The following LGR4 variants were observed in gnomAD, a reference collection of about 807,000 sequenced individuals.
LGR4 encodes the protein leucine rich repeat containing G protein-coupled receptor 4.
Under a neutral mutation model 84.8 loss-of-function variants are expected in LGR4, and 44 were observed. The observed-to-expected ratio is 0.52, with a 90% CI of 0.41 to 0.67. The LOEUF is 0.67. Ranked by LOEUF, LGR4 falls within the 30% of genes least tolerant of loss-of-function variation. LGR4 has a pLI of 0.00. For missense variants in LGR4, 1,032 were observed against 1,131.4 expected (o/e 0.91, Z 1.26); for synonymous variants, 429 against 434.3 (o/e 0.99, Z 0.15).
intron 1 of LGR4, among the ~76,000 whole-genome samples, chr11:27,428,179 C>T (rs189446652): frequency 3.3e-5 from 5 of 151,712 alleles, no homozygotes; most frequent in Admixed American, 3.3e-4. Context: ...ATGCAGTCAC[C>T]CAGGCAGGAG....
At position 27,383,477 on chromosome 11, in the gene LGR4, C is replaced by T. The variant is rs17309797; in HGVS notation, c.689+859G>A. 6.7e-3 allele frequency among the ~76,000 whole-genome samples: 1,022 copies of T among 152,286 alleles called. 5 individuals are homozygous for T. The highest frequency in any genetic ancestry group is 0.012 in the Non-Finnish European group (787 of 67,996). ...AAAGGAGATCTGAGTTTGGAACTAT[C>T]CTCTACAAGATTTTCAACTTTCATA... On this transcript the variant is annotated intron_variant, in intron 6 of 17. Transcript: ENST00000379214.
Position 27,368,892 on chromosome 11 carries a change from A to C in LGR4, c.1831T>G (p.Trp611Gly). The part of the protein sequence containing the change: ...SWGRFAEFGI[W>G]WETGSGCKVA... ...TTGCAGCCACTGCCAGTTTCCCACC[A>C]AATGCCAAATTCAGCGAATCTGCCC... Residue 611 changes from tryptophan to glycine, a missense_variant, in exon 18 of 18, where the codon TGG (tryptophan) becomes GGG (glycine). Physicochemically the swap from Trp to Gly is radical, Grantham distance 184. Transcript: ENST00000379214. 6.2e-7 allele frequency: 1 copy of C among 1,614,212 alleles called. No individual in the cohort carries two copies. Among genetic ancestry groups the C allele is most frequent in the East Asian group, 2.2e-5 (1 of 44,890 alleles).
Position 27,377,214 on chromosome 11 carries a change from A to G in LGR4, c.1053T>C (p.Ser351=). 1 of 1,547,252 alleles carries G rather than the reference A, an allele frequency of 6.5e-7. No homozygotes were observed. Among genetic ancestry groups the G allele is most frequent in the East Asian group, 2.3e-5 (1 of 44,116 alleles). The change falls in exon 12 of 18, where the codon TCT becomes TCC. Residue 351 remains serine (S), a synonymous_variant. Coordinates refer to ENST00000379214, the MANE Select transcript of LGR4 (RefSeq NM_018490.5). The part of the protein sequence containing the change: ...EQKMLRTLDL[S]YNNIRDLPSF... ...TTGGAAGGTCTCTTATATTATTGTA[A>G]GACAAGTCCCTTAAAACAATGGAAA...
intron 1 of LGR4, among the ~76,000 whole-genome samples, chr11:27,465,235 T>C (rs1429600888): frequency 6.6e-6 from 1 of 152,196 alleles, no homozygotes; most frequent in Non-Finnish European, 1.5e-5. Context: ...GTCTTACCCA[T>C]AAGATCTTTC....
At chr11:27,373,914 C>CG in intron 14 of LGR4, 61 bp downstream of exon 14, 1 of 1,196,688 alleles carries the variant, frequency 8.4e-7, no homozygotes, top group South Asian at 1.2e-5. Context: ...AATGTTAAAA[C>CG]AGATGTTTCT....
chr11:27,425,047 A>G (rs1402311512), intron 1 of LGR4, among the ~76,000 whole-genome samples: 1 of 152,080 alleles, frequency 6.6e-6, no homozygotes, highest in Non-Finnish European at 1.5e-5. Context: ...CTGCCTGGCG[A>G]TAATATTAAG....
In LGR4 at chr11:27,392,395, G is replaced by C. The variant is rs182309358; in HGVS notation, c.329+52C>G. 216 of 1,376,870 alleles carry C rather than the reference G, an allele frequency of 1.6e-4. 1 individual carries two copies. The East Asian group carries it at 5.0e-3, about 32-fold the overall frequency. 85.3% of individuals were successfully genotyped at this position (1,376,870 alleles called of 1,614,324 possible). Reference sequence around the variant, plus strand: ...ACCTAGTTCCAAGCATGTTGACTACGCAGAAAGAAAATACACAGCCAGCTG... The same window carrying C: ...ACCTAGTTCCAAGCATGTTGACTACCCAGAAAGAAAATACACAGCCAGCTG... On this transcript the variant is annotated intron_variant, in intron 3 of 17. Coordinates refer to ENST00000379214, the MANE Select transcript of LGR4 (RefSeq NM_018490.5).
intron 13 of LGR4, among the ~76,000 whole-genome samples, chr11:27,374,419 T>C (rs747187950): frequency 6.6e-6 from 1 of 152,204 alleles, no homozygotes; most frequent in African/African-American, 2.4e-5. Flanking sequence ...ACAGACTTCG[T>C]ATTGTTTGCC....
At chr11:27,450,126 T>C (rs753067341) in intron 1 of LGR4, among the ~76,000 whole-genome samples, 3 of 152,224 alleles carry the variant, frequency 2.0e-5, no homozygotes, top group Non-Finnish European at 4.4e-5. Context: ...TATGCTATTG[T>C]TATTCTAGAT....
intron 1 of LGR4, among the ~76,000 whole-genome samples, chr11:27,427,676 C>G (rs1399822291): frequency 1.3e-5 from 2 of 152,282 alleles, no homozygotes; most frequent in Non-Finnish European, 2.9e-5. Flanking sequence ...TTTATTGAAA[C>G]AGCACATTGG....
At position 27,368,929 on chromosome 11, in the gene LGR4, A is replaced by G. The variant is rs12291757; in HGVS notation, c.1794T>C (p.Asp598=). The G allele has an allele frequency of 7.0e-3, 11,269 of 1,614,154 alleles. 349 individuals carry two copies. In the African/African-American group the frequency reaches 0.087, roughly 12 times the overall value. ...GIYTGILTFL[D]AVSWGRFAEF... ...CAGCGAATCTGCCCCAGGACACAGC[A>G]TCAAGAAAAGTTAGGATGCCAGTAT... Residue 598 remains aspartate (D), a synonymous_variant, in exon 18 of 18, where the codon GAT becomes GAC. Coordinates refer to ENST00000379214, the MANE Select transcript of LGR4 (RefSeq NM_018490.5).
At chr11:27,404,080 G>T (rs968351780) in intron 2 of LGR4, among the ~76,000 whole-genome samples, 2 of 152,148 alleles carry the variant, frequency 1.3e-5, no homozygotes, top group Admixed American at 1.3e-4. Context: ...CTGGAAAATT[G>T]AATCCTGCTA....
intron 1 of LGR4, among the ~76,000 whole-genome samples, chr11:27,438,633 T>C (rs1019101020): frequency 5.3e-5 from 8 of 152,060 alleles, no homozygotes; most frequent in African/African-American, 1.9e-4. Flanking sequence ...GTAAACCAGA[T>C]TGCACTCCTT....
At position 27,380,697 on chromosome 11, in the gene LGR4, T is replaced by C; in HGVS notation, c.845A>G (p.Asn282Ser). 1 of 1,600,876 alleles carries C rather than the reference T, an allele frequency of 6.2e-7. No individual in the cohort carries two copies. The highest frequency in any genetic ancestry group is 8.6e-7 in the Non-Finnish European group (1 of 1,169,396). ...TGAGTTCCCCACAAAAGACAGAGGA[T>C]TATCATACAAATGTCTGTGAAAATA... The part of the protein sequence containing the change: ...PLLRTIHLYD[N>S]PLSFVGNSAF... The change falls in exon 9 of 18, where the codon AAT (asparagine) becomes AGT (serine). Residue 282 changes from asparagine (N) to serine (S), a missense_variant. Asn to Ser is a conservative substitution (Grantham distance 46, BLOSUM62 1). Transcript: ENST00000379214.
intron 1 of LGR4, among the ~76,000 whole-genome samples, chr11:27,439,049 A>T (rs1174580148): frequency 6.6e-6 from 1 of 152,048 alleles, no homozygotes. Context: ...AGGTTAAAAA[A>T]CCCTGATGTA....
chr11:27,423,003 CA>C (rs894863652), intron 1 of LGR4, among the ~76,000 whole-genome samples: 13 of 152,254 alleles, frequency 8.5e-5, no homozygotes, highest in Middle Eastern at 3.4e-3. Context: ...AACATCGTGA[CA>C]TTTTTTTCAC....
chr11:27,436,265 CCAGA>C (rs1473390829), intron 1 of LGR4, among the ~76,000 whole-genome samples: 3 of 151,324 alleles, frequency 2.0e-5, no homozygotes, highest in African/African-American at 4.9e-5. Context: ...ATCTGAATAC[CCAGA>C]CAATCTTCAA....
intron 1 of LGR4, among the ~76,000 whole-genome samples, chr11:27,423,110 A>C (rs1242699797): frequency 1.3e-5 from 2 of 152,216 alleles, no homozygotes; most frequent in Non-Finnish European, 2.9e-5. Flanking sequence ...AGGGAAAAAA[A>C]CACAAAAAAC....
At chr11:27,376,453 GAA>G in intron 12 of LGR4, 83 bp from the exon 13 acceptor site, 1 of 625,802 alleles carries the variant, frequency 1.6e-6, no homozygotes, top group South Asian at 2.9e-5. Flanking sequence ...AAGGGATAGA[GAA>G]AAAGAAAAAA....
Sources: gnomAD v4.1 joint callset for allele counts (sites outside exome capture counted in the v4.1 genomes callset) on GRCh38, gnomAD v4.1.1 for gene constraint, MANE v1.5 for transcripts, NCBI Gene and HGNC (gene_info 2026-07-23, HGNC 2026-07-21) for gene names.